The following CACNA1E variants were observed in gnomAD, a reference collection of about 807,000 sequenced individuals.
The protein encoded by CACNA1E is calcium voltage-gated channel subunit alpha1 E, also known as voltage-dependent R-type calcium channel subunit alpha-1E.
Under a neutral mutation model 259.2 loss-of-function variants are expected in CACNA1E, and 40 were observed. That is an observed-to-expected ratio of 0.15 (90% CI 0.12 to 0.20). CACNA1E has a LOEUF of 0.20. Ranked by LOEUF, CACNA1E falls within the 10% of genes least tolerant of loss-of-function variation. The pLI is 1.00. For missense variants in CACNA1E, 1,874 were observed against 3,040.1 expected, an observed-to-expected ratio of 0.62 and a Z score of 9.02; for synonymous variants, 1,104 against 1,138.5, an observed-to-expected ratio of 0.97 and a Z score of 0.61.
At chr1:181,537,472 T>A (rs1390492854) in intron 3 of CACNA1E, among the ~76,000 whole-genome samples, 1 of 152,168 alleles carries the variant, frequency 6.6e-6, no homozygotes, top group East Asian at 1.9e-4. Flanking sequence ...TCTAGCCTAG[T>A]GAGGGTTTGT....
At chr1:181,343,056 C>T (rs888270558) in intron 1 of CACNA1E, among the ~76,000 whole-genome samples, 7 of 151,960 alleles carry the variant, frequency 4.6e-5, no homozygotes, top group South Asian at 2.1e-4. Flanking sequence ...AGCCACAGGA[C>T]GTGCCCACAG....
At chr1:181,651,648 A>G in intron 7 of CACNA1E, 1 of 499,088 alleles carries the variant, frequency 2.0e-6, no homozygotes, top group Non-Finnish European at 3.6e-6. Context: ...AGGAATTAAA[A>G]AGTCTTGATG....
chr1:181,645,023 G>A (rs775320817), intron 6 of CACNA1E, among the ~76,000 whole-genome samples: 1 of 152,180 alleles, frequency 6.6e-6, no homozygotes, highest in Non-Finnish European at 1.5e-5. Context: ...GCTGGGGGAT[G>A]AGACATGGGC....
intron 3 of CACNA1E, among the ~76,000 whole-genome samples, chr1:181,564,193 G>C (rs1412139801): frequency 1.3e-5 from 2 of 152,138 alleles, no homozygotes; most frequent in African/African-American, 4.8e-5. Flanking sequence ...ATATTTTTCT[G>C]TTGCTTGTGA....
In CACNA1E at chr1:181,329,858, C is replaced by T. The variant is rs556438672; in HGVS notation, c.-15+11735C>T. On this transcript the variant is annotated intron_variant, in intron 1 of 11. Transcript: ENST00000524607. ...TCCCTAAGGATTGGGACTGTGTTTG[C>T]ATTGTTCATGGCTGTGTCTCAGAGC... Among the ~76,000 whole-genome samples the T allele has an allele frequency of 4.5e-4, 69 of 152,296 alleles. No homozygotes were observed. The South Asian group carries it at 0.013, about 29-fold the overall frequency.
intron 7 of CACNA1E, among the ~76,000 whole-genome samples, chr1:181,691,223 G>A (rs923522466): frequency 1.4e-5 from 2 of 143,960 alleles, no homozygotes; most frequent in Non-Finnish European, 3.0e-5. Flanking sequence ...TATTTATTTA[G>A]TTCTTTGATT....
intron 1 of CACNA1E, among the ~76,000 whole-genome samples, chr1:181,371,884 C>A (rs1417741207): frequency 6.6e-6 from 1 of 152,172 alleles, no homozygotes; most frequent in Non-Finnish European, 1.5e-5. Flanking sequence ...TGTGGAAAAT[C>A]AGATGGTTGT....
rs1661671965 is a variant in CACNA1E at position 181,795,031 on chromosome 1, G to C, written c.6195G>C (p.Leu2065=). ...CCTTGCGGCTGTCAGCCCACCGCCTGAACTCTGATTCAGGTGAGGAGGTCT... is the reference window on the plus strand; with the variant it reads ...CCTTGCGGCTGTCAGCCCACCGCCTCAACTCTGATTCAGGTGAGGAGGTCT... ...HSSLRLSAHR[L]NSDSGHKSDT... is the part of the protein sequence containing the mutation. The change falls in exon 46 of 48, where the codon CTG becomes CTC. Residue 2065 remains leucine, a synonymous_variant. Coordinates refer to ENST00000367573, the MANE Select transcript of CACNA1E (RefSeq NM_001205293.3). 1 of 1,613,644 alleles carries C rather than the reference G, an allele frequency of 6.2e-7. No homozygotes were observed. The highest frequency in any genetic ancestry group is 1.3e-5 in the African/African-American group (1 of 74,938).
chr1:181,765,241 G>A lies in CACNA1E; in HGVS notation c.4816-1305G>A, dbSNP rs142473503. ...CTTTTCCCTTATTTTGTGTTAGAATGTATAAACATGACAAGAAAGGAAAAC... is the reference window on the plus strand; with the variant it reads ...CTTTTCCCTTATTTTGTGTTAGAATATATAAACATGACAAGAAAGGAAAAC... On this transcript the variant is annotated intron_variant, in intron 34 of 47. Transcript: ENST00000367573. Among the ~76,000 whole-genome samples, 212 of 152,152 alleles carry A rather than the reference G, an allele frequency of 1.4e-3. 1 individual carries two copies. The highest frequency in any genetic ancestry group is 4.9e-3 in the African/African-American group (202 of 41,514).
In CACNA1E at chr1:181,616,604, C is replaced by T. The variant is rs1185219235; in HGVS notation, c.952-34734C>T. 3.3e-5 allele frequency among the ~76,000 whole-genome samples: 5 copies of T among 152,108 alleles called. No homozygotes were observed. The East Asian group carries it at 9.6e-4, about 29-fold the overall frequency. ...TGGTGCACACCCGTAGTCCCAGCTACTCGGGAGGCTGAGGCAGGAGAATTG... is the reference window on the plus strand; with the variant it reads ...TGGTGCACACCCGTAGTCCCAGCTATTCGGGAGGCTGAGGCAGGAGAATTG... On this transcript the variant is annotated intron_variant, in intron 6 of 47. Coordinates refer to ENST00000367573, the MANE Select transcript of CACNA1E (RefSeq NM_001205293.3).
chr1:181,350,319 C>T (rs1022549179), intron 1 of CACNA1E, among the ~76,000 whole-genome samples: 4 of 152,216 alleles, frequency 2.6e-5, no homozygotes, highest in African/African-American at 4.8e-5. Context: ...GAGAGCCCTC[C>T]GTCATCCAGA....
chr1:181,540,706 CAA>C (rs1668517383), intron 3 of CACNA1E, among the ~76,000 whole-genome samples: 1 of 152,192 alleles, frequency 6.6e-6, no homozygotes, highest in African/African-American at 2.4e-5. Flanking sequence ...ATGGACCTCG[CAA>C]AGTCTCCCCT....
intron 1 of CACNA1E, among the ~76,000 whole-genome samples, chr1:181,408,249 G>A (rs2102124448): frequency 6.6e-6 from 1 of 152,308 alleles, no homozygotes; most frequent in Admixed American, 6.5e-5. Flanking sequence ...GAATCAGAAA[G>A]AGAGTGGTGG....
At chr1:181,566,202 A>G (rs1649808395) in intron 3 of CACNA1E, among the ~76,000 whole-genome samples, 1 of 152,094 alleles carries the variant, frequency 6.6e-6, no homozygotes, top group African/African-American at 2.4e-5. Context: ...TTTTGAAAGC[A>G]CTCCAAATTT....
intron 1 of CACNA1E, among the ~76,000 whole-genome samples, chr1:181,365,236 T>C (rs1654181740): frequency 6.6e-6 from 1 of 152,230 alleles, no homozygotes; most frequent in African/African-American, 2.4e-5. Context: ...GACGCGATCA[T>C]GGCTCTCTGC....
In CACNA1E at chr1:181,732,850, C is replaced by T. The variant is rs767745136; in HGVS notation, c.2764C>T (p.Arg922Trp). 1.4e-5 allele frequency: 22 copies of T among 1,613,772 alleles called. No homozygotes were observed. Among genetic ancestry groups the T allele is most frequent in the East Asian group, 8.9e-5 (4 of 44,876 alleles). ...GCACAGGCAGAGCCAACGGCGCAGC[C>T]GGCATCGCCGCGTCAGGACAGAAGG... ...ARHRQSQRRS[R>W]HRRVRTEGKE... is the part of the protein sequence containing the mutation. The change falls in exon 20 of 48, where the codon CGG becomes TGG. Residue 922 changes from arginine (R) to tryptophan (W), a missense_variant. Around this residue, in one of 14 missense-constraint regions of CACNA1E, gnomAD observed 476 missense variants for 514.0 expected, o/e 0.93. Coordinates refer to ENST00000367573, the MANE Select transcript of CACNA1E (RefSeq NM_001205293.3). This position sits in a 1 kb window ranked among gnomAD's most constrained non-coding sequence, Gnocchi z 5.5.
At chr1:181,618,792 G>A (rs1189009873) in intron 6 of CACNA1E, among the ~76,000 whole-genome samples, 1 of 152,168 alleles carries the variant, frequency 6.6e-6, no homozygotes, top group Non-Finnish European at 1.5e-5. Context: ...GTAGTACAGG[G>A]TAGGTGCTCA....
At chr1:181,352,757 C>T (rs1477866552) in intron 1 of CACNA1E, among the ~76,000 whole-genome samples, 4 of 152,052 alleles carry the variant, frequency 2.6e-5, no homozygotes, top group Non-Finnish European at 4.4e-5. Flanking sequence ...TTGGAGGGTG[C>T]GGGCTCTTGA....
intron 3 of CACNA1E, among the ~76,000 whole-genome samples, chr1:181,553,344 A>G (rs1393192762): frequency 1.3e-5 from 2 of 152,098 alleles, no homozygotes; most frequent in Non-Finnish European, 2.9e-5. Context: ...ATTTTTGCAC[A>G]TTGATTTTGT....
Sources: gnomAD v4.1 joint callset for allele counts (sites outside exome capture counted in the v4.1 genomes callset) on GRCh38, gnomAD v4.1.1 for gene constraint, gnomAD v4.1.1 regional missense constraint, Gnocchi (gnomAD v3.1) non-coding constraint, MANE v1.5 for transcripts, NCBI Gene and HGNC (gene_info 2026-07-23, HGNC 2026-07-21) for gene names.